The following RPL3 variants were observed in gnomAD, a reference collection of about 807,000 sequenced individuals.
The protein encoded by RPL3 is ribosomal protein L3, also known as large ribosomal subunit protein uL3.
A neutral mutation model predicts 46.0 loss-of-function variants in RPL3; 3 were observed. The observed-to-expected ratio is 0.07, with a 90% confidence interval of 0.03 to 0.17. The LOEUF is 0.17. Among genes scored for constraint, RPL3 ranks in the 10% least tolerant of loss-of-function variants. RPL3 has a pLI of 1.00. For missense variants in RPL3, 387 were observed against 532.7 expected (o/e 0.73, Z 2.69); for synonymous variants, 224 against 190.8 (o/e 1.17, Z -1.43).
In RPL3 at chr22:39,318,599, G is replaced by T; in HGVS notation, c.4-7C>A. The stretch of plus-strand genomic sequence containing the variant: ...CGGAGAACTTTCTGTGAGACTAGGT[G>T]GGAAAAAAATCACCGTCAGCACCCA... On this transcript the variant is annotated splice_polypyrimidine_tract_variant and splice_region_variant and intron_variant, in intron 1 of 9. Coordinates refer to ENST00000216146, the MANE Select transcript of RPL3 (RefSeq NM_000967.4). The T allele has an allele frequency of 6.2e-7, 1 of 1,601,082 alleles. No individual in the cohort carries two copies.
intron 1 of RPL3, 43 bp from the exon 2 acceptor site, chr22:39,318,635 G>T (rs763047594): frequency 4.2e-5 from 63 of 1,513,876 alleles, no homozygotes; most frequent in Non-Finnish European, 5.5e-5. Context: ...AACCAAAGCA[G>T]TGCCCCCTTC....
chr22:39,319,038 A>ATCTT (rs770599469), intron 1 of RPL3: 12 of 537,420 alleles, frequency 2.2e-5, no homozygotes, highest in Non-Finnish European at 4.2e-5. Flanking sequence ...AGGCCAAAGA[A>ATCTT]CTCCGCAGAG....
intron 5 of RPL3, 130 bp downstream of exon 5, chr22:39,315,239 G>C: frequency 7.7e-7 from 1 of 1,292,994 alleles, no homozygotes; most frequent in South Asian, 1.2e-5. Context: ...AGGCAGTAGA[G>C]AATGGTTCTA....
At chr22:39,316,561 C>T (rs2146516050) in intron 4 of RPL3, 145 bp downstream of exon 4, 2 of 1,007,094 alleles carry the variant, frequency 2.0e-6, no homozygotes, top group Middle Eastern at 3.3e-4. Context: ...GGAATGGTTC[C>T]CTTGCTAAGG....
Position 39,317,783 on chromosome 22 carries a change from CTCAT to C in RPL3, c.197-158_197-155del, listed in dbSNP as rs1258261104. On this transcript the variant is annotated intron_variant, in intron 2 of 9. Coordinates refer to ENST00000216146, the MANE Select transcript of RPL3 (RefSeq NM_000967.4). ...ACAGGGCTGTCCTTACTGCCTATCT[CTCAT>C]TCAAAGCACATTTATGTTATTCAAA... The C allele has an allele frequency of 8.0e-6, 6 of 747,666 alleles. No homozygotes were observed. The African/African-American group carries it at 1.1e-4, about 13-fold the overall frequency. The allele number at this position is 747,666 out of a possible 1,614,324, so 46.3% of individuals were successfully genotyped here.
chr22:39,318,313 G>A (rs954233008), intron 2 of RPL3, 87 bp downstream of exon 2: 105 of 1,414,072 alleles, frequency 7.4e-5, no homozygotes, highest in Non-Finnish European at 9.5e-5. Context: ...AAAAAAGTCT[G>A]CCCTCTGCTA....
chr22:39,319,036 G>A (rs774230200), intron 1 of RPL3: 8 of 537,604 alleles, frequency 1.5e-5, no homozygotes, highest in Middle Eastern at 3.1e-4. Flanking sequence ...ACAGGCCAAA[G>A]AACTCCGCAG....
intron 1 of RPL3, chr22:39,319,143 T>C (rs777495827): frequency 5.5e-6 from 3 of 542,026 alleles, no homozygotes; most frequent in East Asian, 5.3e-5. Context: ...GCCTTCGGAG[T>C]GCACCAGCGG....
chr22:39,313,430 G>A lies in RPL3; in HGVS notation c.1048-120C>T, dbSNP rs945514086. 15 of 1,486,206 alleles carry A rather than the reference G, an allele frequency of 1.0e-5. No homozygotes were observed. In the African/African-American group the frequency reaches 1.9e-4, roughly 19 times the overall value. 92.1% of individuals were successfully genotyped at this position (1,486,206 alleles called of 1,614,324 possible). A position where few individuals can be genotyped will look rare whatever the true frequency, so the allele number is the denominator to read the frequency against. On this transcript the variant is annotated intron_variant, in intron 8 of 9. Coordinates refer to ENST00000216146, the MANE Select transcript of RPL3 (RefSeq NM_000967.4). ...TCAATTCAGCCTCCCCCACCATCCGGCAGATGAGGACACACTCAAAGCAGC... is the reference window on the plus strand; with the variant it reads ...TCAATTCAGCCTCCCCCACCATCCGACAGATGAGGACACACTCAAAGCAGC...
rs1350443973 is a variant in RPL3, at chr22:39,319,443, C to T, written c.3+152G>A. 5 of 1,105,004 alleles carry T rather than the reference C, an allele frequency of 4.5e-6. No individual in the cohort carries two copies. The African/African-American group carries it at 6.3e-5, about 14-fold the overall frequency. The allele number at this position is 1,105,004 out of a possible 1,614,324, so 68.4% of individuals were successfully genotyped here. On this transcript the variant is annotated intron_variant, in intron 1 of 9. Transcript: ENST00000216146. Reference sequence around the variant, plus strand: ...GCTCTTCACAAGCCTCTCGACTTTCCAGAAAATAGGCCAGACTGAAGTCCC... The same window carrying T: ...GCTCTTCACAAGCCTCTCGACTTTCTAGAAAATAGGCCAGACTGAAGTCCC...
intron 3 of RPL3, 43 bp downstream of exon 3, chr22:39,317,418 T>A: frequency 6.4e-7 from 1 of 1,570,742 alleles, no homozygotes; most frequent in Non-Finnish European, 8.6e-7. Flanking sequence ...GCTCTCCAGC[T>A]CCCAAGCTCC....
At chr22:39,318,066 A>T (rs532931845) in intron 2 of RPL3, 1 of 364,654 alleles carries the variant, frequency 2.7e-6, no homozygotes, top group South Asian at 3.1e-5. Flanking sequence ...TCAGGTGAAA[A>T]AAACATGAAT....
chr22:39,314,022 C>T, intron 7 of RPL3, 85 bp downstream of exon 7: 2 of 1,150,302 alleles, frequency 1.7e-6, no homozygotes, highest in Non-Finnish European at 2.6e-6. Flanking sequence ...AGTTAACGAT[C>T]CTGCTAGCAG....
In RPL3 at chr22:39,317,641, AAGC is replaced by A. The variant is rs751874819; in HGVS notation, c.197-15_197-13del. On this transcript the variant is annotated splice_polypyrimidine_tract_variant and intron_variant, in intron 2 of 9. Coordinates refer to ENST00000216146, the MANE Select transcript of RPL3 (RefSeq NM_000967.4). ...CTTCTTGTTCACCTCTGCAAAAAAAAAGCAGTAGTCAGACTTGGCAGGAGCCCA... is the reference window on the plus strand; with the variant it reads ...CTTCTTGTTCACCTCTGCAAAAAAAAAGTAGTCAGACTTGGCAGGAGCCCA... 6.2e-7 allele frequency: 1 copy of A among 1,611,798 alleles called. No homozygotes were observed. The highest frequency in any genetic ancestry group is 2.2e-5 in the East Asian group (1 of 44,814).
At chr22:39,318,708 C>G (rs552859883) in intron 1 of RPL3, 116 bp from the exon 2 acceptor site, 1 of 843,750 alleles carries the variant, frequency 1.2e-6, no homozygotes, top group Non-Finnish European at 1.8e-6. Flanking sequence ...ACCAGACACC[C>G]AGCAAGCCGA....
At chr22:39,317,069 A>G (rs766321825) in intron 3 of RPL3, 5 of 657,324 alleles carry the variant, frequency 7.6e-6, no homozygotes, top group Non-Finnish European at 1.3e-5. Flanking sequence ...CATTCAAACA[A>G]AATTCTTGCT....
intron 2 of RPL3, 134 bp downstream of exon 2, chr22:39,318,266 C>T: frequency 2.4e-6 from 2 of 818,006 alleles, no homozygotes; most frequent in Non-Finnish European, 3.8e-6. Flanking sequence ...ATTCTGCTGT[C>T]GCAGCAGTTC....
intron 5 of RPL3, 152 bp from the exon 6 acceptor site, chr22:39,314,998 G>A (rs1922588613): frequency 8.9e-7 from 1 of 1,123,732 alleles, no homozygotes; most frequent in Non-Finnish European, 1.3e-6. Context: ...CTGTCAAGCT[G>A]GATAGGCTCT....
At chr22:39,313,168 G>C (rs565787243) in intron 9 of RPL3, 23 bp downstream of exon 9, 11 of 1,605,652 alleles carry the variant, frequency 6.9e-6, no homozygotes, top group African/African-American at 5.3e-5. Flanking sequence ...CACCCAGCGA[G>C]GGGGGCAGGC....
Sources: allele counts gnomAD v4.1 joint callset, GRCh38; gene constraint gnomAD v4.1.1; transcripts MANE v1.5; gene names NCBI Gene and HGNC (gene_info 2026-07-23, HGNC 2026-07-21).